The following DIAPH2 variants were observed in gnomAD, a reference collection of about 807,000 sequenced individuals.
DIAPH2 encodes the protein protein diaphanous homolog 2.
DIAPH2 carries 35 observed loss-of-function variants against 92.7 expected under a neutral mutation model. The observed-to-expected ratio is 0.38, with a 90% confidence interval of 0.29 to 0.50. The LOEUF is 0.50. Ranked by LOEUF, DIAPH2 falls within the 20% of genes least tolerant of loss-of-function variation. The pLI is 0.94. For synonymous variants in DIAPH2, 301 were observed against 280.4 expected, an observed-to-expected ratio of 1.07 and a Z score of -0.73; for missense variants, 701 against 819.5, an observed-to-expected ratio of 0.86 and a Z score of 1.77.
In DIAPH2 at chrX:96,940,595, A is replaced by G. The variant is rs961477908; in HGVS notation, c.1325+1213A>G. ...CAGCACAGTCTCAACAAAAATTACA[A>G]CTGTAAAGCAGCATAGAGAACTATT... On this transcript the variant is annotated intron_variant, in intron 12 of 26. Coordinates refer to ENST00000324765, the MANE Select transcript of DIAPH2 (RefSeq NM_006729.5). Among the ~76,000 whole-genome samples, 9 of 112,141 alleles carry G rather than the reference A, an allele frequency of 8.0e-5. No homozygotes were observed. In the East Asian group the frequency reaches 1.7e-3, roughly 21 times the overall value.
rs1428757309 is a variant in DIAPH2 at position 97,109,636 on chromosome X, G to A, written c.2350-5090G>A. ...ATTTGGGCTAAGATTGGGCCTTGGC[G>A]GTATTGTTGGGGTGACCTACCTGGA... On this transcript the variant is annotated intron_variant, in intron 20 of 26. Transcript: ENST00000324765. 2.7e-5 allele frequency among the ~76,000 whole-genome samples: 3 copies of A among 110,986 alleles called. No homozygotes were observed. The Admixed American group carries it at 2.9e-4, about 11-fold the overall frequency.
At chrX:97,103,474 TA>T (rs1187344898) in intron 20 of DIAPH2, among the ~76,000 whole-genome samples, 1 of 111,418 alleles carries the variant, frequency 9.0e-6, no homozygotes. Context: ...CTGCCTTAAA[TA>T]ATGCATTGAA....
intron 22 of DIAPH2, among the ~76,000 whole-genome samples, chrX:97,228,809 T>C (rs1170220354): frequency 8.9e-6 from 1 of 112,340 alleles, no homozygotes; most frequent in Non-Finnish European, 1.9e-5. Context: ...TCTCTGTATG[T>C]CATGCTAAAA....
intron 1 of DIAPH2, among the ~76,000 whole-genome samples, chrX:96,686,560 G>A (rs1406680998): frequency 9.0e-6 from 1 of 111,378 alleles, no homozygotes; most frequent in Non-Finnish European, 1.9e-5. Context: ...TCACTGTTCC[G>A]GTTCCTAGCT....
At position 97,601,184 on chromosome X, in the gene DIAPH2, G is replaced by A. The variant is rs1037839633; in HGVS notation, c.*1867G>A. On this transcript the variant is annotated 3_prime_UTR_variant, in exon 27 of 27. Transcript: ENST00000324765. ...AGTCTTTCTTTTCTGAAATCTTCGT[G>A]GTATGGCTTTTTTAATTCTTTTGAC... is the stretch of plus-strand genomic sequence containing the variant. The A allele has an allele frequency of 1.3e-4, 15 of 111,796 alleles. No homozygotes were observed. Among genetic ancestry groups the A allele is most frequent in the African/African-American group, 4.6e-4 (14 of 30,668 alleles). 9.2% of individuals were successfully genotyped at this position (111,796 alleles called of 1,213,427 possible).
intron 17 of DIAPH2, among the ~76,000 whole-genome samples, chrX:96,990,420 A>G (rs2066061749): frequency 1.8e-5 from 2 of 111,802 alleles, no homozygotes; most frequent in Middle Eastern, 9.2e-3. Context: ...GATTTTCACA[A>G]CAGTATCATA....
chrX:97,460,454 A>ATAAAT (rs1208067253), intron 26 of DIAPH2, among the ~76,000 whole-genome samples: 1 of 112,581 alleles, frequency 8.9e-6, no homozygotes, highest in Non-Finnish European at 1.9e-5. Context: ...TAATAAATAA[A>ATAAAT]TAAATCTTCA....
At chrX:96,730,402 G>T (rs1442163380) in intron 1 of DIAPH2, among the ~76,000 whole-genome samples, 2 of 111,439 alleles carry the variant, frequency 1.8e-5, no homozygotes, top group Non-Finnish European at 3.8e-5. Flanking sequence ...GCCTTGAGTT[G>T]TTTGGATTGG....
Position 97,185,351 on chromosome X carries a change from A to ATGTATATATATATGTATATATATATG in DIAPH2, c.2719+43560_2719+43561insATATATATATGTATATATATATGTGT, listed in dbSNP as rs2067576528. The stretch of plus-strand genomic sequence containing the variant: ...TGTATATATATATATGTATATATAT[A>ATGTATATATATATGTATATATATATG]TGTGTGTATATATATATGTATATAT... On this transcript the variant is annotated intron_variant, in intron 22 of 26. Coordinates refer to ENST00000324765, the MANE Select transcript of DIAPH2 (RefSeq NM_006729.5). 4.8e-3 allele frequency among the ~76,000 whole-genome samples: 10 copies of ATGTATATATATATGTATATATATATG among 2,079 alleles called. 1 individual carries two copies. Among genetic ancestry groups the ATGTATATATATATGTATATATATATG allele is most frequent in the South Asian group, 0.029 (1 of 35 alleles). 1.8% of individuals were successfully genotyped at this position (2,079 alleles called of 115,157 possible).
intron 23 of DIAPH2, among the ~76,000 whole-genome samples, chrX:97,279,405 G>A (rs2068478288): frequency 9.3e-6 from 1 of 107,301 alleles, no homozygotes; most frequent in South Asian, 4.3e-4. Flanking sequence ...CGAGAGTGGG[G>A]CGATTCTTCT....
intron 21 of DIAPH2, among the ~76,000 whole-genome samples, chrX:97,132,914 AT>A (rs371102786): frequency 0.028 from 2,951 of 106,081 alleles, 101 homozygotes; most frequent in African/African-American, 0.089. Context: ...GGATTAGGCA[AT>A]TTTTTTTTTT....
At chrX:97,504,988 G>C (rs2147832060) in intron 26 of DIAPH2, among the ~76,000 whole-genome samples, 1 of 111,866 alleles carries the variant, frequency 8.9e-6, no homozygotes, top group South Asian at 3.8e-4. Flanking sequence ...GGTTAGAATT[G>C]TGGTTCAGTT....
At chrX:97,357,315 T>A (rs2069276730) in intron 24 of DIAPH2, among the ~76,000 whole-genome samples, 1 of 111,768 alleles carries the variant, frequency 8.9e-6, no homozygotes, top group Admixed American at 9.6e-5. Flanking sequence ...GAATTTTTCT[T>A]CATTCTGCTT....
chrX:97,398,570 C>A (rs893673451), intron 25 of DIAPH2, among the ~76,000 whole-genome samples: 3 of 110,348 alleles, frequency 2.7e-5, no homozygotes, highest in African/African-American at 9.9e-5. Flanking sequence ...CAGTTTTCAG[C>A]CTATTCTCCC....
intron 22 of DIAPH2, among the ~76,000 whole-genome samples, chrX:97,209,546 A>G (rs368913576): frequency 1.8e-5 from 2 of 111,667 alleles, no homozygotes; most frequent in African/African-American, 6.5e-5. Flanking sequence ...AATCGACTTC[A>G]TATGTCCTTC....
chrX:97,167,146 A>C (rs1375509163), intron 22 of DIAPH2, among the ~76,000 whole-genome samples: 2 of 111,650 alleles, frequency 1.8e-5, no homozygotes, highest in East Asian at 5.6e-4. Flanking sequence ...TCTTTTGTTA[A>C]TATAAACAAA....
At chrX:97,560,020 G>A (rs780648764) in intron 26 of DIAPH2, among the ~76,000 whole-genome samples, 7 of 111,568 alleles carry the variant, frequency 6.3e-5, no homozygotes, top group East Asian at 2.8e-4. Context: ...TCCTACCCAC[G>A]TCTCAAGGCC....
chrX:97,081,405 T>C (rs2066743674), intron 19 of DIAPH2, among the ~76,000 whole-genome samples: 1 of 112,670 alleles, frequency 8.9e-6, no homozygotes, highest in Non-Finnish European at 1.9e-5. Flanking sequence ...TTAATGCCAG[T>C]ATTTTCATTT....
At chrX:97,234,472 G>A (rs978032745) in intron 22 of DIAPH2, among the ~76,000 whole-genome samples, 4 of 111,404 alleles carry the variant, frequency 3.6e-5, no homozygotes, top group East Asian at 2.8e-4. Flanking sequence ...CCCCAAGGGG[G>A]CATTTTTGTT....
Sources: allele counts gnomAD v4.1 joint callset (sites outside exome capture counted in the v4.1 genomes callset), GRCh38; gene constraint gnomAD v4.1.1; transcripts MANE v1.5; gene names NCBI Gene and HGNC (gene_info 2026-07-23, HGNC 2026-07-21).